Variants in TENM3 observed in about 807,000 individuals in gnomAD.
TENM3 encodes the protein teneurin-3.
A neutral mutation model predicts 255.1 loss-of-function variants in TENM3; 63 were observed. The observed-to-expected ratio is 0.25, with a 90% CI of 0.20 to 0.30. The LOEUF is 0.30. TENM3 is among the 10% of genes least tolerant of loss of function. TENM3 has a pLI of 1.00. For synonymous variants in TENM3, 1,306 were observed against 1,322.3 expected (o/e 0.99, Z 0.27); for missense variants, 2,929 against 3,461.1 (o/e 0.85, Z 3.86).
the TENM3 span, among the ~76,000 whole-genome samples, chr4:181,611,514 A>G: frequency 5.3e-5 from 8 of 152,026 alleles, no homozygotes; most frequent in South Asian, 4.1e-4. Context: ...TTTTTAGTCT[A>G]TTCAAGATTT....
the TENM3 span, among the ~76,000 whole-genome samples, chr4:181,928,374 C>T: frequency 3.3e-5 from 5 of 151,608 alleles, no homozygotes; most frequent in East Asian, 5.9e-4. Flanking sequence ...ACAAGAACTT[C>T]GTGAAGCATA....
intron 3 of TENM3, among the ~76,000 whole-genome samples, chr4:182,362,089 G>A (rs1766039834): frequency 6.6e-6 from 1 of 152,164 alleles, no homozygotes. Context: ...TTTTGTCTCA[G>A]AGGAGTACCC....
chr4:182,070,240 G>C, the TENM3 span, among the ~76,000 whole-genome samples: 1 of 152,174 alleles, frequency 6.6e-6, no homozygotes, highest in Non-Finnish European at 1.5e-5. Context: ...TTTATGCATA[G>C]AAAAAGCATC....
intron 1 of TENM3, among the ~76,000 whole-genome samples, chr4:182,302,955 C>T (rs1389922141): frequency 6.6e-6 from 1 of 152,156 alleles, no homozygotes; most frequent in African/African-American, 2.4e-5. Flanking sequence ...TTTTCCAGCT[C>T]AGTTGATTTT....
chr4:182,220,486 C>A (rs1755788356), intron 1 of TENM3, among the ~76,000 whole-genome samples: 1 of 151,598 alleles, frequency 6.6e-6, no homozygotes, highest in Admixed American at 6.6e-5. Context: ...ATCTCTTCCT[C>A]ACCCTTCACT....
At chr4:181,860,020 T>G in the TENM3 span, among the ~76,000 whole-genome samples, 1 of 152,208 alleles carries the variant, frequency 6.6e-6, no homozygotes, top group African/African-American at 2.4e-5. Context: ...GAACTCATAA[T>G]CTGATTTCCT....
the TENM3 span, among the ~76,000 whole-genome samples, chr4:181,457,008 G>A: frequency 4.6e-5 from 7 of 151,778 alleles, no homozygotes; most frequent in African/African-American, 7.2e-5. Context: ...CTAAGGGACA[G>A]CATCAACCAG....
At chr4:182,081,409 C>A in the TENM3 span, among the ~76,000 whole-genome samples, 1 of 151,816 alleles carries the variant, frequency 6.6e-6, no homozygotes, top group South Asian at 2.1e-4. Context: ...TATGGTGAAA[C>A]CTCATCTCTA....
the TENM3 span, among the ~76,000 whole-genome samples, chr4:181,935,163 C>A: frequency 6.6e-6 from 1 of 152,154 alleles, no homozygotes; most frequent in Admixed American, 6.6e-5. Context: ...ATTCAAAAGA[C>A]AGTTTATTAA....
At chr4:182,041,131 C>A in the TENM3 span, among the ~76,000 whole-genome samples, 4 of 152,020 alleles carry the variant, frequency 2.6e-5, no homozygotes, top group Non-Finnish European at 5.9e-5. Flanking sequence ...AACCTAAGAT[C>A]TAATTAGAAG....
chr4:181,713,805 T>C, the TENM3 span, among the ~76,000 whole-genome samples: 1 of 152,196 alleles, frequency 6.6e-6, no homozygotes, highest in African/African-American at 2.4e-5. Flanking sequence ...GTAGATTGAT[T>C]ATTGCCATTT....
chr4:181,796,079 G>T, the TENM3 span, among the ~76,000 whole-genome samples: 1 of 152,322 alleles, frequency 6.6e-6, no homozygotes, highest in African/African-American at 2.4e-5. Flanking sequence ...CATCAGAAAT[G>T]TCACAAATGT....
intron 1 of TENM3, among the ~76,000 whole-genome samples, chr4:182,234,150 C>G (rs1052548925): frequency 2.0e-5 from 3 of 152,176 alleles, no homozygotes; most frequent in Non-Finnish European, 4.4e-5. Flanking sequence ...GTTCTTTCCA[C>G]GTTAACAACC....
At chr4:181,901,220 A>AAAATT in the TENM3 span, among the ~76,000 whole-genome samples, 1 of 152,340 alleles carries the variant, frequency 6.6e-6, no homozygotes, top group Non-Finnish European at 1.5e-5. Context: ...ATGATGAATC[A>AAAATT]AAATTACTGG....
intron 3 of TENM3, among the ~76,000 whole-genome samples, chr4:182,458,167 C>G (rs1027170620): frequency 1.3e-5 from 2 of 152,140 alleles, no homozygotes; most frequent in Non-Finnish European, 2.9e-5. Flanking sequence ...TATGGTATAG[C>G]TAATGTCCAC....
intron 19 of TENM3, among the ~76,000 whole-genome samples, chr4:182,744,962 G>A (rs2152738779): frequency 1.3e-5 from 2 of 152,178 alleles, no homozygotes; most frequent in East Asian, 3.9e-4. Flanking sequence ...AAAGGCGGAG[G>A]AAACCAATGT....
Position 182,465,298 on chromosome 4 carries a change from G to T in TENM3, c.511+118369G>T, listed in dbSNP as rs903834426. 2.6e-5 allele frequency among the ~76,000 whole-genome samples: 4 copies of T among 152,144 alleles called. No homozygotes were observed. The East Asian group carries it at 5.8e-4, about 22-fold the overall frequency. ...AATCCTCACTGGGAGGGTATGAGGA[G>T]CTTGGAACCTTGGGAGGTGATTAGG... On this transcript the variant is annotated intron_variant, in intron 3 of 27. Transcript: ENST00000511685.
chr4:182,001,400 G>A, the TENM3 span, among the ~76,000 whole-genome samples: 2 of 152,054 alleles, frequency 1.3e-5, no homozygotes, highest in East Asian at 1.9e-4. Flanking sequence ...GAATGTGGGT[G>A]CATTTCTCTG....
the TENM3 span, among the ~76,000 whole-genome samples, chr4:182,059,092 G>A: frequency 1.3e-5 from 2 of 151,986 alleles, no homozygotes; most frequent in Non-Finnish European, 2.9e-5. Context: ...GACAGCAGCA[G>A]GTCATGCTGG....
Sources: allele counts gnomAD v4.1 joint callset (sites outside exome capture counted in the v4.1 genomes callset), GRCh38; gene constraint gnomAD v4.1.1; transcripts MANE v1.5; gene names NCBI Gene and HGNC (gene_info 2026-07-23, HGNC 2026-07-21).